Variants in GYG2 observed in about 807,000 individuals in gnomAD.
GYG2 encodes glycogenin-2.
Under a neutral mutation model 29.4 loss-of-function variants are expected in GYG2, and 29 were observed. The ratio of observed to expected loss-of-function variants is 0.99; its 90% CI spans 0.74 to 1.35. The LOEUF (loss-of-function observed/expected upper bound fraction) is 1.35. Ranked by LOEUF, GYG2 falls within the 40% of genes most tolerant of loss-of-function variation. GYG2 has a pLI of 0.00. For missense variants in GYG2, 370 were observed against 385.7 expected, an observed-to-expected ratio of 0.96 and a Z score of 0.34; for synonymous variants, 167 against 172.3, an observed-to-expected ratio of 0.97 and a Z score of 0.24.
At position 2,875,864 on chromosome X, in the gene GYG2, T is replaced by A. The variant is rs748357256; in HGVS notation, c.1093T>A (p.Ser365Thr). 8.4e-7 allele frequency: 1 copy of A among 1,193,495 alleles called. No homozygotes were observed. Among genetic ancestry groups the A allele is most frequent in the Admixed American group, 2.2e-5 (1 of 45,858 alleles). ...TPAVITCDPL[S>T]QPSPQPADFT... The stretch of plus-strand genomic sequence containing the variant: ...TGCCGTGATAACGTGTGACCCACTG[T>A]CCCAGCCTTCCCCTCAGCCTGCAGA... The change falls in exon 9 of 11, where the codon TCC becomes ACC. Residue 365 changes from serine to threonine, a missense_variant. Transcript: ENST00000398806.
intron 6 of GYG2, among the ~76,000 whole-genome samples, chrX:2,858,596 C>G (rs2088080602): frequency 8.9e-6 from 1 of 111,957 alleles, no homozygotes; most frequent in Admixed American, 9.5e-5. Flanking sequence ...AATAGAGAAT[C>G]TGAGAATCAC....
intron 10 of GYG2, among the ~76,000 whole-genome samples, chrX:2,879,478 G>C (rs1407152214): frequency 9.0e-6 from 1 of 110,855 alleles, no homozygotes; most frequent in Admixed American, 9.6e-5. Context: ...ATGTTGGCCG[G>C]GCTGGTCTCG....
Position 2,877,983 on chromosome X carries a change from C to A in GYG2, c.1251+676C>A, listed in dbSNP as rs1289337406. The A allele has an allele frequency of 3.1e-5, 23 of 751,266 alleles. No homozygotes were observed. In the South Asian group the frequency reaches 1.5e-3, roughly 49 times the overall value. The allele number at this position is 751,266 out of a possible 1,213,427, so 61.9% of individuals were successfully genotyped here. A position where few individuals can be genotyped will look rare whatever the true frequency, so the allele number is the denominator to read the frequency against. ...GCTAAATGCCTTCCCTGGACAGTCA[C>A]CCTTGGAGAAAATGTGAACTTGTTT... On this transcript the variant is annotated intron_variant, in intron 10 of 10. Transcript: ENST00000398806.
chrX:2,839,859 T>A (rs2087456468), intron 2 of GYG2, among the ~76,000 whole-genome samples: 1 of 112,320 alleles, frequency 8.9e-6, no homozygotes, highest in Non-Finnish European at 1.9e-5. Context: ...AAAATAGGAA[T>A]GTAGAGACAG....
In GYG2 at chrX:2,849,269, A is replaced by G. The variant is rs527865744; in HGVS notation, c.150-4711A>G. On this transcript the variant is annotated intron_variant, in intron 3 of 10. Coordinates refer to ENST00000398806, the MANE Select transcript of GYG2 (RefSeq NM_001079855.2). ...GTGGTGAAGATGCCATAAATTCCAT[A>G]AATAACTGGGCCAAAAGCAGAGGGA... Among the ~76,000 whole-genome samples, 36 of 111,205 alleles carry G rather than the reference A, an allele frequency of 3.2e-4. 1 individual carries two copies. The South Asian group carries it at 0.013, about 40-fold the overall frequency.
intron 3 of GYG2, among the ~76,000 whole-genome samples, chrX:2,846,438 A>G (rs1380380869): frequency 9.1e-6 from 1 of 110,448 alleles, no homozygotes; most frequent in Non-Finnish European, 1.9e-5. Context: ...ATAAAGATAA[A>G]ATGACAAAAC....
At chrX:2,878,211 C>T (rs956447593) in intron 10 of GYG2, 2 of 746,245 alleles carry the variant, frequency 2.7e-6, no homozygotes, top group Middle Eastern at 7.7e-4. Context: ...TTGGGTAAGA[C>T]CTACGTTGGA....
chrX:2,877,657 G>A (rs930712404), intron 10 of GYG2: 10 of 751,248 alleles, frequency 1.3e-5, no homozygotes, highest in Middle Eastern at 7.5e-4. Context: ...AAATTGGAGG[G>A]AGTGGGGCAT....
rs148680457 is a variant in GYG2 at position 2,848,249 on chromosome X, G to T, written c.149+4895G>T. Among the ~76,000 whole-genome samples the T allele has an allele frequency of 5.1e-3, 563 of 111,318 alleles. 5 individuals are homozygous for T. Among genetic ancestry groups the T allele is most frequent in the Middle Eastern group, 9.3e-3 (2 of 216 alleles). On this transcript the variant is annotated intron_variant, in intron 3 of 10. Transcript: ENST00000398806. ...AAATACAAAAATAGGTATTAAACAC[G>T]AGCAACTGGCTGGGTGTGGTACCTC...
In GYG2 at chrX:2,877,301, A is replaced by G. The variant is rs776166479; in HGVS notation, c.1245A>G (p.Ala415=). The G allele has an allele frequency of 8.3e-7, 1 of 1,209,794 alleles. No individual in the cohort carries two copies. The highest frequency in any genetic ancestry group is 1.8e-5 in the South Asian group (1 of 56,664). Residue 415 remains alanine (A), a synonymous_variant, in exon 10 of 11, where the codon GCA becomes GCG. Transcript: ENST00000398806. The part of the protein sequence containing the change: ...EALRDPSLQD[A]LEVDLAVSVS... ...TCAGGGACCCCAGTCTGCAGGATGC[A>G]CTGGAGGTGGTATCCAAATTCTTCC... is the stretch of plus-strand genomic sequence containing the variant.
At position 2,875,850 on chromosome X, in the gene GYG2, C is replaced by T. The variant is rs755005523; in HGVS notation, c.1079C>T (p.Thr360Met). ...CPETETPAVI[T>M]CDPLSQPSPQ... The stretch of plus-strand genomic sequence containing the variant: ...GAAACTGAGACTCCTGCCGTGATAA[C>T]GTGTGACCCACTGTCCCAGCCTTCC... The change falls in exon 9 of 11, where the codon ACG becomes ATG. Residue 360 changes from threonine (T) to methionine (M), a missense_variant. Transcript: ENST00000398806. 4 of 1,195,648 alleles carry T rather than the reference C, an allele frequency of 3.3e-6. No individual in the cohort carries two copies. Among genetic ancestry groups the T allele is most frequent in the Admixed American group, 2.2e-5 (1 of 45,387 alleles).
At chrX:2,869,575 G>A (rs141655457) in intron 8 of GYG2, among the ~76,000 whole-genome samples, 17 of 112,390 alleles carry the variant, frequency 1.5e-4, no homozygotes, top group African/African-American at 1.9e-4. Context: ...CTGAGTGTGC[G>A]TCTGGGGCTC....
intron 9 of GYG2, among the ~76,000 whole-genome samples, chrX:2,876,649 T>A (rs186266522): frequency 0.027 from 2,975 of 110,924 alleles, 108 homozygotes; most frequent in African/African-American, 0.092. Flanking sequence ...TCAGTTTTTT[T>A]AAAAAAGTTA....
At chrX:2,843,629 TTTTG>T (rs748680710) in intron 3 of GYG2, among the ~76,000 whole-genome samples, 14 of 111,850 alleles carry the variant, frequency 1.3e-4, no homozygotes, top group African/African-American at 4.2e-4. Flanking sequence ...TTCAATTCTT[TTTTG>T]TTTGTTTGTT....
At chrX:2,880,695 C>T (rs2147286629) in intron 10 of GYG2, among the ~76,000 whole-genome samples, 1 of 111,096 alleles carries the variant, frequency 9.0e-6, no homozygotes, top group South Asian at 3.8e-4. Flanking sequence ...ATTGCTTGAG[C>T]CCGGGAATTC....
At chrX:2,834,996 G>C (rs1253039386) in intron 2 of GYG2, among the ~76,000 whole-genome samples, 1 of 111,480 alleles carries the variant, frequency 9.0e-6, no homozygotes, top group Non-Finnish European at 1.9e-5. Flanking sequence ...TCGGGGTACA[G>C]CTTGCTTTTA....
chrX:2,837,372 C>T (rs1322672974), intron 2 of GYG2, among the ~76,000 whole-genome samples: 1 of 111,913 alleles, frequency 8.9e-6, no homozygotes, highest in Admixed American at 9.5e-5. Context: ...GACCAAGCAT[C>T]TAAATAGTAA....
In GYG2 at chrX:2,850,027, G is replaced by A. The variant is rs1272694541; in HGVS notation, c.150-3953G>A. On this transcript the variant is annotated intron_variant, in intron 3 of 10. Transcript: ENST00000398806. The stretch of plus-strand genomic sequence containing the variant: ...AGTTACTCAGGAGGCTGAGGCGGGA[G>A]GATCACTGGAGCCTAGGACATTGAA... Among the ~76,000 whole-genome samples the A allele has an allele frequency of 2.7e-5, 3 of 111,137 alleles. No homozygotes were observed. In the Admixed American group the frequency reaches 2.9e-4, roughly 11 times the overall value.
intron 10 of GYG2, among the ~76,000 whole-genome samples, chrX:2,878,656 G>T (rs1286512052): frequency 1.8e-5 from 2 of 111,861 alleles, no homozygotes; most frequent in Non-Finnish European, 3.8e-5. Context: ...TTAAAAAGGA[G>T]AGTGGTATAG....
Sources: allele counts gnomAD v4.1 joint callset (sites outside exome capture counted in the v4.1 genomes callset), GRCh38; gene constraint gnomAD v4.1.1; transcripts MANE v1.5; gene names NCBI Gene and HGNC (gene_info 2026-07-23, HGNC 2026-07-21).